Variants in MAPKAP1 observed in about 807,000 individuals in gnomAD.
The protein encoded by MAPKAP1 is target of rapamycin complex 2 subunit MAPKAP1.
MAPKAP1 carries 20 observed loss-of-function variants against 65.7 expected under a neutral mutation model. The ratio of observed to expected loss-of-function variants is 0.30; its 90% CI spans 0.21 to 0.44. The LOEUF (loss-of-function observed/expected upper bound fraction) is 0.44. MAPKAP1 is among the 20% of genes least tolerant of loss of function. The pLI is 1.00. For synonymous variants in MAPKAP1, 222 were observed against 244.3 expected, an observed-to-expected ratio of 0.91 and a Z score of 0.85; for missense variants, 423 against 648.0, an observed-to-expected ratio of 0.65 and a Z score of 3.77.
At chr9:125,491,791 A>C (rs1854742052) in intron 8 of MAPKAP1, among the ~76,000 whole-genome samples, 2 of 151,680 alleles carry the variant, frequency 1.3e-5, no homozygotes. Context: ...AAACCAAAAA[A>C]ACAAAAAAAA....
intron 4 of MAPKAP1, among the ~76,000 whole-genome samples, chr9:125,619,186 G>A (rs1048968904): frequency 1.4e-4 from 21 of 152,052 alleles, no homozygotes; most frequent in Non-Finnish European, 2.6e-4. Flanking sequence ...TATAAACATG[G>A]GCTAGTCACA....
chr9:125,677,892 A>T (rs2131814905), intron 1 of MAPKAP1, among the ~76,000 whole-genome samples: 1 of 152,270 alleles, frequency 6.6e-6, no homozygotes, highest in South Asian at 2.1e-4. Context: ...GTAGAAGGAA[A>T]GAAAGAGATG....
At chr9:125,540,897 A>G (rs1830225485) in intron 7 of MAPKAP1, among the ~76,000 whole-genome samples, 1 of 152,240 alleles carries the variant, frequency 6.6e-6, no homozygotes, top group Non-Finnish European at 1.5e-5. Flanking sequence ...AAGTCTAAAA[A>G]GTTCAAAAAC....
chr9:125,592,204 A>C (rs1387745716), intron 4 of MAPKAP1, among the ~76,000 whole-genome samples: 1 of 152,200 alleles, frequency 6.6e-6, no homozygotes, highest in Non-Finnish European at 1.5e-5. Flanking sequence ...AGAAGGGGAA[A>C]GTCCAGTCTG....
Position 125,595,037 on chromosome 9 carries a change from C to T in MAPKAP1, c.499-9310G>A, listed in dbSNP as rs960877550. ...ATATTCTTTTAACACATGATTTAAA[C>T]ACTTGCATTATATTATAGCATATGG... On this transcript the variant is annotated intron_variant, in intron 4 of 11. Coordinates refer to ENST00000265960, the MANE Select transcript of MAPKAP1 (RefSeq NM_001006617.3). This position sits in a 1 kb window ranked among gnomAD's most constrained non-coding sequence, Gnocchi z 4.0. Among the ~76,000 whole-genome samples the T allele has an allele frequency of 2.0e-5, 3 of 152,232 alleles. No homozygotes were observed. Among genetic ancestry groups the T allele is most frequent in the Non-Finnish European group, 4.4e-5 (3 of 68,046 alleles).
intron 10 of MAPKAP1, among the ~76,000 whole-genome samples, chr9:125,455,595 GT>G (rs879327923): frequency 6.8e-4 from 100 of 146,994 alleles, no homozygotes; most frequent in East Asian, 2.6e-3. Flanking sequence ...AAGAAGTGTA[GT>G]TTTTTTTTTT....
intron 4 of MAPKAP1, among the ~76,000 whole-genome samples, chr9:125,591,841 T>C (rs982824032): frequency 6.6e-6 from 1 of 152,202 alleles, no homozygotes; most frequent in African/African-American, 2.4e-5. Context: ...AAAGTATTCA[T>C]TACACATCAA....
chr9:125,656,643 C>T (rs978490215), intron 4 of MAPKAP1, among the ~76,000 whole-genome samples: 1 of 151,916 alleles, frequency 6.6e-6, no homozygotes, highest in Admixed American at 6.6e-5. Context: ...AAAAAAAAAT[C>T]AAGCATAAGC....
chr9:125,483,457 T>C (rs1418365093), intron 9 of MAPKAP1, among the ~76,000 whole-genome samples: 2 of 152,208 alleles, frequency 1.3e-5, no homozygotes, highest in Non-Finnish European at 2.9e-5. Flanking sequence ...AGAAAAGATT[T>C]TATTATGACA....
intron 4 of MAPKAP1, among the ~76,000 whole-genome samples, chr9:125,649,646 C>T (rs1401516177): frequency 1.3e-5 from 2 of 151,910 alleles, no homozygotes; most frequent in Admixed American, 6.6e-5. Flanking sequence ...CCTCAAAAAG[C>T]ACTGCCTCAG....
rs79780008 is a variant in MAPKAP1, at chr9:125,532,077, A to G, written c.958+10982T>C. ...AGTTCCCTCATCCACATTACATTTT[A>G]AGTGAGGAAGCTGTGGTGTACGGAA... On this transcript the variant is annotated intron_variant, in intron 7 of 11. Transcript: ENST00000265960. Among the ~76,000 whole-genome samples, 533 of 152,250 alleles carry G rather than the reference A, an allele frequency of 3.5e-3. 2 individuals are homozygous for G. Among genetic ancestry groups the G allele is most frequent in the African/African-American group, 0.012 (515 of 41,520 alleles).
At chr9:125,647,279 C>T (rs1387820368) in intron 4 of MAPKAP1, among the ~76,000 whole-genome samples, 3 of 152,180 alleles carry the variant, frequency 2.0e-5, no homozygotes, top group African/African-American at 7.2e-5. Flanking sequence ...AAACACAGCT[C>T]TTATGATACT....
intron 9 of MAPKAP1, among the ~76,000 whole-genome samples, chr9:125,474,095 A>C (rs1854020312): frequency 6.6e-6 from 1 of 152,100 alleles, no homozygotes; most frequent in South Asian, 2.1e-4. Flanking sequence ...CTCAGTGATG[A>C]GGGTCGAGTC....
At chr9:125,564,162 G>A (rs1830979033) in intron 5 of MAPKAP1, among the ~76,000 whole-genome samples, 1 of 152,194 alleles carries the variant, frequency 6.6e-6, no homozygotes, top group South Asian at 2.1e-4. Context: ...TTCAAGACTA[G>A]AGGAGAAGGC....
intron 7 of MAPKAP1, among the ~76,000 whole-genome samples, chr9:125,526,477 A>G (rs1159545608): frequency 6.6e-6 from 1 of 152,234 alleles, no homozygotes; most frequent in African/African-American, 2.4e-5. Context: ...CACAGAGACA[A>G]AGTGTTGGCA....
At chr9:125,586,972 C>T (rs1831807103) in intron 4 of MAPKAP1, among the ~76,000 whole-genome samples, 1 of 152,226 alleles carries the variant, frequency 6.6e-6, no homozygotes, top group Admixed American at 6.5e-5. Context: ...TTAGGAAGTT[C>T]TAATGTCTCT....
intron 10 of MAPKAP1, among the ~76,000 whole-genome samples, chr9:125,461,227 T>C (rs533975704): frequency 6.6e-6 from 1 of 152,336 alleles, no homozygotes; most frequent in South Asian, 2.1e-4. Context: ...TCCACCTTTA[T>C]CCTGTGGTGC....
chr9:125,451,679 C>A (rs978224201), intron 10 of MAPKAP1, among the ~76,000 whole-genome samples: 10 of 152,118 alleles, frequency 6.6e-5, no homozygotes, highest in African/African-American at 2.2e-4. Flanking sequence ...CTAGTTTTCA[C>A]GTTTATCTTC....
rs778023525 is a variant in MAPKAP1, at chr9:125,438,975, C to T, written c.1481G>A (p.Arg494Gln). 1.1e-5 allele frequency: 18 copies of T among 1,613,990 alleles called. No individual in the cohort carries two copies. The highest frequency in any genetic ancestry group is 2.2e-5 in the East Asian group (1 of 44,894). ...YILESRASTA[R>Q]ADYFAQKQRK... is the part of the protein sequence containing the mutation. The stretch of plus-strand genomic sequence containing the variant: ...TTGTTTTTGAGCAAAGTAGTCAGCC[C>T]GGGCAGTGCTAGCTCGCGATTCCAG... Residue 494 changes from arginine to glutamine, a missense_variant, in exon 12 of 12, where the codon CGG becomes CAG. Transcript: ENST00000265960.
Sources: allele counts gnomAD v4.1 joint callset (sites outside exome capture counted in the v4.1 genomes callset), GRCh38; gene constraint gnomAD v4.1.1; non-coding constraint Gnocchi (gnomAD v3.1); transcripts MANE v1.5; gene names NCBI Gene and HGNC (gene_info 2026-07-23, HGNC 2026-07-21).